The following SIDT1 variants were observed in gnomAD, a reference collection of about 807,000 sequenced individuals.
SIDT1 encodes SID1 transmembrane family member 1.
SIDT1 carries 101 observed loss-of-function variants against 107.5 expected under a neutral mutation model. The ratio of observed to expected loss-of-function variants is 0.94; its 90% CI spans 0.80 to 1.11. The LOEUF (loss-of-function observed/expected upper bound fraction) is 1.11. SIDT1 is among the 50% of genes least tolerant of loss of function. SIDT1 has a pLI of 0.00. For synonymous variants in SIDT1, 395 were observed against 398.2 expected, an observed-to-expected ratio of 0.99 and a Z score of 0.10; for missense variants, 1,076 against 1,058.2, an observed-to-expected ratio of 1.02 and a Z score of -0.23.
At chr3:113,624,846 G>A (rs1462426899) in intron 23 of SIDT1, among the ~76,000 whole-genome samples, 4 of 152,280 alleles carry the variant, frequency 2.6e-5, no homozygotes, top group East Asian at 1.9e-4. Flanking sequence ...AGTTCCATAC[G>A]TGTTGCTGCA....
chr3:113,602,394 A>G (rs1945022695), intron 11 of SIDT1: 1 of 152,254 alleles, frequency 6.6e-6, no homozygotes, highest in African/African-American at 2.4e-5. Context: ...CAGGATTTTT[A>G]AGAAACCATC....
At chr3:113,552,844 C>G (rs952559486) in intron 1 of SIDT1, among the ~76,000 whole-genome samples, 1 of 152,186 alleles carries the variant, frequency 6.6e-6, no homozygotes, top group Non-Finnish European at 1.5e-5. Context: ...CCATGGGCAG[C>G]CTTGCTTCCC....
intron 14 of SIDT1, chr3:113,606,757 T>C: frequency 3.2e-6 from 1 of 308,040 alleles, no homozygotes; most frequent in East Asian, 5.6e-5. Flanking sequence ...TCGTAGTCCT[T>C]TTATCATAAC....
chr3:113,603,572 A>C (rs1402216337), intron 12 of SIDT1, among the ~76,000 whole-genome samples: 1 of 152,186 alleles, frequency 6.6e-6, no homozygotes, highest in African/African-American at 2.4e-5. Flanking sequence ...AAAGATATGA[A>C]GGGGAAACGT....
chr3:113,584,774 G>T lies in SIDT1; in HGVS notation c.907+5G>T. On this transcript the variant is annotated splice_donor_5th_base_variant and intron_variant, in intron 8 of 24. Coordinates refer to ENST00000264852, the MANE Select transcript of SIDT1 (RefSeq NM_017699.3). ...CCATTGTCCCTTCCATTAAAGGTCAGTGTTGGCTCCAGAATGCATTGAAGA... is the reference window on the plus strand; with the variant it reads ...CCATTGTCCCTTCCATTAAAGGTCATTGTTGGCTCCAGAATGCATTGAAGA... 6.3e-7 allele frequency: 1 copy of T among 1,577,100 alleles called. No individual in the cohort carries two copies. Among genetic ancestry groups the T allele is most frequent in the Non-Finnish European group, 8.6e-7 (1 of 1,166,364 alleles).
At chr3:113,591,680 G>C (rs1944165435) in intron 9 of SIDT1, among the ~76,000 whole-genome samples, 1 of 152,228 alleles carries the variant, frequency 6.6e-6, no homozygotes, top group Non-Finnish European at 1.5e-5. Flanking sequence ...GGGCGACAGA[G>C]CGAGACTCTG....
At position 113,623,654 on chromosome 3, in the gene SIDT1, C is replaced by T; in HGVS notation, c.2228C>T (p.Pro743Leu). Residue 743 changes from proline (P) to leucine (L), a missense_variant, in exon 23 of 25, where the codon CCG becomes CTG. Physicochemically the swap from Pro to Leu is moderately conservative, Grantham distance 98 (BLOSUM62 -3). Transcript: ENST00000264852. ...AGCTCTGAAAAGGTCCTCCCAGTCC[C>T]GCTCTTCTGCATCGTGGCCACCGCT... is the stretch of plus-strand genomic sequence containing the variant. ...LRSSEKVLPVPLFCIVATAVM... is the reference protein window; with the variant it reads ...LRSSEKVLPVLLFCIVATAVM... 1 of 1,614,088 alleles carries T rather than the reference C, an allele frequency of 6.2e-7. No homozygotes were observed. Among genetic ancestry groups the T allele is most frequent in the South Asian group, 1.1e-5 (1 of 91,086 alleles).
At chr3:113,544,537 T>C (rs1939352471) in intron 1 of SIDT1, among the ~76,000 whole-genome samples, 2 of 152,302 alleles carry the variant, frequency 1.3e-5, no homozygotes, top group African/African-American at 4.8e-5. Context: ...CATTTCTTTG[T>C]TCTTTCTTTG....
At chr3:113,623,584 C>T (rs1277579660) in intron 22 of SIDT1, 39 bp from the exon 23 acceptor site, 1 of 1,600,348 alleles carries the variant, frequency 6.2e-7, no homozygotes, top group Non-Finnish European at 8.6e-7. Flanking sequence ...CAGGCGAAGG[C>T]GGGGTCGCGT....
intron 21 of SIDT1, among the ~76,000 whole-genome samples, chr3:113,622,452 A>G (rs1030211013): frequency 7.3e-6 from 1 of 136,250 alleles, no homozygotes; most frequent in African/African-American, 2.8e-5. Flanking sequence ...CAACACAGTG[A>G]GACTCCATCT....
At chr3:113,556,399 A>G (rs1227389174) in intron 1 of SIDT1, among the ~76,000 whole-genome samples, 1 of 152,172 alleles carries the variant, frequency 6.6e-6, no homozygotes, top group Non-Finnish European at 1.5e-5. Flanking sequence ...CTAACTTCTG[A>G]TAAGAAAGGG....
rs1265881012 is a variant in SIDT1, at chr3:113,585,269, A to G, written c.1000A>G (p.Arg334Gly). ...CLLVGFVHYL[R>G]FQRKSIDGSF... ...TCTTGTTGGGTTTGTTCATTATCTG[A>G]GGTAGGTCAATCTTTTCTAGAAATG... is the stretch of plus-strand genomic sequence containing the variant. Residue 334 changes from arginine (R) to glycine (G), a missense_variant and splice_region_variant, in exon 9 of 25, where the codon AGG becomes GGG. Arg to Gly is a moderately radical substitution (Grantham distance 125). Transcript: ENST00000264852. The G allele has an allele frequency of 6.2e-7, 1 of 1,603,300 alleles. No homozygotes were observed. The highest frequency in any genetic ancestry group is 2.2e-5 in the East Asian group (1 of 44,778).
chr3:113,581,547 T>A, intron 6 of SIDT1, 103 bp downstream of exon 6: 1 of 881,422 alleles, frequency 1.1e-6, no homozygotes, highest in Non-Finnish European at 1.9e-6. Flanking sequence ...ATGATGTGCC[T>A]AGGATCTCCT....
intron 1 of SIDT1, among the ~76,000 whole-genome samples, chr3:113,539,789 GGTCA>G (rs998939833): frequency 1.3e-5 from 2 of 152,100 alleles, no homozygotes; most frequent in Non-Finnish European, 2.9e-5. Flanking sequence ...GATCACCTGA[GGTCA>G]TGAGTTCGAG....
At chr3:113,574,595 A>G (rs1462401658) in intron 3 of SIDT1, among the ~76,000 whole-genome samples, 2 of 151,126 alleles carry the variant, frequency 1.3e-5, no homozygotes, top group Non-Finnish European at 2.9e-5. Context: ...TTTTTCTTCT[A>G]CTTGATTACT....
downstream of SIDT1, among the ~76,000 whole-genome samples, chr3:113,631,243 G>C (rs1413745412): frequency 6.6e-6 from 1 of 152,110 alleles, no homozygotes; most frequent in Admixed American, 6.5e-5. Flanking sequence ...GGAATGCCAC[G>C]TGCAAATGTT....
intron 9 of SIDT1, among the ~76,000 whole-genome samples, chr3:113,587,290 G>T (rs1943811584): frequency 6.6e-6 from 1 of 152,142 alleles, no homozygotes; most frequent in Non-Finnish European, 1.5e-5. Context: ...ACAATTGTTT[G>T]AATCTATTTA....
chr3:113,568,601 AAAAAGAAAAGAAAAG>A (rs202138300), intron 3 of SIDT1, among the ~76,000 whole-genome samples: 3 of 144,382 alleles, frequency 2.1e-5, no homozygotes, highest in Admixed American at 6.9e-5. Flanking sequence ...CTCAAAAAAA[AAAAAGAAAAGAAAAG>A]AAAAGAAAAG....
chr3:113,543,603 T>C (rs886348377), intron 1 of SIDT1, among the ~76,000 whole-genome samples: 22 of 152,304 alleles, frequency 1.4e-4, no homozygotes, highest in African/African-American at 5.3e-4. Context: ...AGAATGTTGG[T>C]TCTGTATCCC....
Sources: gnomAD v4.1 joint callset for allele counts (sites outside exome capture counted in the v4.1 genomes callset) on GRCh38, gnomAD v4.1.1 for gene constraint, MANE v1.5 for transcripts, NCBI Gene and HGNC (gene_info 2026-07-23, HGNC 2026-07-21) for gene names.